The following TIAM1 variants were observed in gnomAD, a reference collection of about 807,000 sequenced individuals.
TIAM1 encodes the protein TIAM Rac1 associated GEF 1.
TIAM1 carries 65 observed loss-of-function variants against 163.5 expected under a neutral mutation model. The observed-to-expected ratio is 0.40, with a 90% CI of 0.33 to 0.49. The LOEUF is 0.49. TIAM1 is among the 20% of genes least tolerant of loss of function. The probability of loss-of-function intolerance (pLI) is 0.77; values close to 1 mark genes in which losing one functional copy is unlikely to be tolerated. For missense variants in TIAM1, 1,789 were observed against 2,044.7 expected, an observed-to-expected ratio of 0.87 and a Z score of 2.41; for synonymous variants, 833 against 810.1, an observed-to-expected ratio of 1.03 and a Z score of -0.48.
intron 16 of TIAM1, among the ~76,000 whole-genome samples, chr21:31,161,189 G>A (rs1464382857): frequency 1.3e-5 from 2 of 152,134 alleles, no homozygotes; most frequent in Non-Finnish European, 2.9e-5. Context: ...TAATGGAAAT[G>A]TCCTGAAAAT....
chr21:31,230,545 G>C (rs1176991765), intron 6 of TIAM1, among the ~76,000 whole-genome samples: 2 of 152,016 alleles, frequency 1.3e-5, no homozygotes, highest in African/African-American at 4.8e-5. Context: ...TTATTTTTTA[G>C]ACAGAATCTC....
At chr21:31,473,095 G>T (rs541200149) in intron 1 of TIAM1, among the ~76,000 whole-genome samples, 1 of 152,218 alleles carries the variant, frequency 6.6e-6, no homozygotes, top group South Asian at 2.1e-4. Context: ...ATTTTCTGGG[G>T]TTTTCCCACT....
At chr21:31,345,491 C>A (rs1413907818), upstream of TIAM1, among the ~76,000 whole-genome samples, 1 of 150,824 alleles carries the variant, frequency 6.6e-6, no homozygotes, top group Admixed American at 6.6e-5. Context: ...CGGATTCACA[C>A]ATATATATAT....
intron 3 of TIAM1, among the ~76,000 whole-genome samples, chr21:31,267,914 G>A (rs895884845): frequency 6.6e-6 from 1 of 152,060 alleles, no homozygotes; most frequent in Non-Finnish European, 1.5e-5. Context: ...GTTAATTCAA[G>A]TCCCTCCTTA....
At position 31,332,971 on chromosome 21, in the gene TIAM1, T is replaced by C. The variant is rs560526840; in HGVS notation, c.-189+6272A>G. The stretch of plus-strand genomic sequence containing the variant: ...TAAATAAACCAGGCATGGTGATGTA[T>C]GACTGCAGTCCCAGCCACTCAGGAG... On this transcript the variant is annotated intron_variant, in intron 2 of 27. Transcript: ENST00000541036. Among the ~76,000 whole-genome samples the C allele has an allele frequency of 3.3e-5, 5 of 151,928 alleles. No individual in the cohort carries two copies. The South Asian group carries it at 1.0e-3, about 32-fold the overall frequency.
At chr21:31,413,264 CTTTT>C (rs397866519) in intron 2 of TIAM1, among the ~76,000 whole-genome samples, 2 of 87,876 alleles carry the variant, frequency 2.3e-5, no homozygotes, top group East Asian at 3.7e-4. Flanking sequence ...CTTTTCTTTT[CTTTT>C]TTTTTTTTTT....
chr21:31,412,784 TAAAAAAAAAAAA>T (rs77221722), intron 2 of TIAM1, among the ~76,000 whole-genome samples: 2 of 103,538 alleles, frequency 1.9e-5, no homozygotes, highest in Non-Finnish European at 3.9e-5. Context: ...TGTCTCAGGT[TAAAAAAAAAAAA>T]AAAAAAAAAA....
intron 4 of TIAM1, among the ~76,000 whole-genome samples, chr21:31,257,016 C>T (rs2072151574): frequency 6.6e-6 from 1 of 152,202 alleles, no homozygotes; most frequent in South Asian, 2.1e-4. Context: ...CTGGGAAAAA[C>T]ACAGGCATAC....
At position 31,471,269 on chromosome 21, in the gene TIAM1, A is replaced by G. The variant is rs148038837; in HGVS notation, c.-421-7234T>C. Among the ~76,000 whole-genome samples, 401 of 152,290 alleles carry G rather than the reference A, an allele frequency of 2.6e-3. 6 individuals are homozygous for G. Among genetic ancestry groups the G allele is most frequent in the African/African-American group, 8.6e-3 (356 of 41,582 alleles). ...GCATCGGTCAGCCCTTCCGGAGCCC[A>G]GATCCGCCCCTCAGGAGCTGTGTGG... On this transcript the variant is annotated intron_variant, in intron 1 of 28. Transcript: ENST00000286827.
chr21:31,520,477 T>C (rs1014193189), intron 1 of TIAM1, among the ~76,000 whole-genome samples: 5 of 152,234 alleles, frequency 3.3e-5, no homozygotes, highest in African/African-American at 9.6e-5. Flanking sequence ...TCCTAAATTT[T>C]CATTCATGAA....
intron 2 of TIAM1, among the ~76,000 whole-genome samples, chr21:31,417,522 C>CG (rs2043412750): frequency 6.6e-6 from 1 of 152,096 alleles, no homozygotes; most frequent in Admixed American, 6.5e-5. Context: ...GAGAACAGTA[C>CG]GGGGGAAACC....
At chr21:31,231,150 T>C (rs1404296065) in intron 6 of TIAM1, among the ~76,000 whole-genome samples, 7 of 152,162 alleles carry the variant, frequency 4.6e-5, no homozygotes, top group Non-Finnish European at 5.9e-5. Context: ...TGTGTCAAGA[T>C]AGAGCTTCTG....
At chr21:31,293,398 C>T (rs1435702440) in intron 2 of TIAM1, among the ~76,000 whole-genome samples, 2 of 152,184 alleles carry the variant, frequency 1.3e-5, no homozygotes, top group African/African-American at 4.8e-5. Flanking sequence ...CTGACAGCAA[C>T]ATCTAGACAT....
intron 2 of TIAM1, among the ~76,000 whole-genome samples, chr21:31,450,860 A>G (rs938080255): frequency 6.6e-6 from 1 of 152,150 alleles, no homozygotes; most frequent in Non-Finnish European, 1.5e-5. Context: ...AGCCACCTCC[A>G]TGATTCAATT....
chr21:31,195,834 C>T (rs138906510), intron 12 of TIAM1, among the ~76,000 whole-genome samples: 1 of 152,102 alleles, frequency 6.6e-6, no homozygotes, highest in African/African-American at 2.4e-5. Flanking sequence ...CTGAAGTACA[C>T]AAATTAATCA....
At chr21:31,272,751 C>T (rs1473435835) in intron 3 of TIAM1, among the ~76,000 whole-genome samples, 1 of 152,098 alleles carries the variant, frequency 6.6e-6, no homozygotes, top group Non-Finnish European at 1.5e-5. Flanking sequence ...GTTGAATCCC[C>T]TTTTATTTTT....
intron 9 of TIAM1, among the ~76,000 whole-genome samples, chr21:31,214,605 C>G (rs1032639480): frequency 1.3e-5 from 2 of 151,952 alleles, no homozygotes; most frequent in Non-Finnish European, 2.9e-5. Flanking sequence ...GAAATGTAAT[C>G]AATCCTGCTA....
At chr21:31,379,019 G>C (rs2076734838) in intron 2 of TIAM1, among the ~76,000 whole-genome samples, 1 of 152,080 alleles carries the variant, frequency 6.6e-6, no homozygotes, top group African/African-American at 2.4e-5. Flanking sequence ...TCGCCCAGTT[G>C]ACAATGCAAT....
At chr21:31,540,439 T>C (rs1375064706) in intron 1 of TIAM1, among the ~76,000 whole-genome samples, 1 of 150,760 alleles carries the variant, frequency 6.6e-6, no homozygotes, top group Non-Finnish European at 1.5e-5. Context: ...TAAACACCAC[T>C]TATAAAAGTA....
Sources: allele counts gnomAD v4.1 joint callset (sites outside exome capture counted in the v4.1 genomes callset), GRCh38; gene constraint gnomAD v4.1.1; transcripts MANE v1.5; gene names NCBI Gene and HGNC (gene_info 2026-07-23, HGNC 2026-07-21).